Variants in DAB1 observed in about 807,000 individuals in gnomAD.
The protein encoded by DAB1 is disabled homolog 1.
Under a neutral mutation model 64.6 loss-of-function variants are expected in DAB1, and 15 were observed. That is an observed-to-expected ratio of 0.23 (90% CI 0.16 to 0.36). DAB1 has a LOEUF of 0.36. Ranked by LOEUF, DAB1 falls within the 10% of genes least tolerant of loss-of-function variation. The pLI, the probability that DAB1 is intolerant of heterozygous loss-of-function variation, is 1.00. For missense variants in DAB1, 596 were observed against 706.7 expected (o/e 0.84, Z 1.78); for synonymous variants, 235 against 251.9 (o/e 0.93, Z 0.64).
intron 2 of DAB1, among the ~76,000 whole-genome samples, chr1:57,208,687 G>A (rs1002391507): frequency 2.0e-5 from 3 of 152,312 alleles, no homozygotes; most frequent in African/African-American, 7.2e-5. Context: ...TTTAGGGCCA[G>A]GTACTGTGGC....
At chr1:58,442,966 A>G (rs1362946752) in intron 3 of DAB1, among the ~76,000 whole-genome samples, 18 of 152,228 alleles carry the variant, frequency 1.2e-4, no homozygotes, top group Admixed American at 2.6e-4. Context: ...TAAGGCAGCC[A>G]ACAGAAAGCT....
rs74077736 is a variant in DAB1 at position 57,636,327 on chromosome 1, T to A, written n.625+13265A>T. Among the ~76,000 whole-genome samples, 1,039 of 152,202 alleles carry A rather than the reference T, an allele frequency of 6.8e-3. 16 individuals are homozygous for A. The highest frequency in any genetic ancestry group is 0.024 in the African/African-American group (979 of 41,528). ...TTCCAGAATTGTGAGAAAATAAATGTCTGTTGTTTAAGCCTCCCAGTCTGT... is the reference window on the plus strand; with the variant it reads ...TTCCAGAATTGTGAGAAAATAAATGACTGTTGTTTAAGCCTCCCAGTCTGT... On this transcript the variant is annotated intron_variant and non_coding_transcript_variant, in intron 7 of 20. Transcript: ENST00000485760.
At chr1:57,850,258 C>T (rs953348341) in intron 1 of DAB1, among the ~76,000 whole-genome samples, 8 of 152,166 alleles carry the variant, frequency 5.3e-5, no homozygotes, top group Non-Finnish European at 1.0e-4. Context: ...TAGGACCTCA[C>T]ACAAACATAA....
chr1:57,145,240 CT>C, intron 3 of DAB1, 49 bp downstream of exon 3: 2 of 1,572,746 alleles, frequency 1.3e-6, no homozygotes, highest in Non-Finnish European at 1.7e-6. Context: ...ACTTCTTTTC[CT>C]CATTCACATT....
At chr1:57,596,073 A>G (rs1645505583) in intron 7 of DAB1, among the ~76,000 whole-genome samples, 1 of 152,010 alleles carries the variant, frequency 6.6e-6, no homozygotes, top group Non-Finnish European at 1.5e-5. Flanking sequence ...CTCCACTTTC[A>G]CTGTCCTTTA....
chr1:58,320,510 G>A (rs148153198), intron 4 of DAB1, among the ~76,000 whole-genome samples: 1 of 152,340 alleles, frequency 6.6e-6, no homozygotes, highest in African/African-American at 2.4e-5. Flanking sequence ...CAAGTTCACA[G>A]CATGGTTTAA....
intron 7 of DAB1, among the ~76,000 whole-genome samples, chr1:57,483,887 A>G (rs965297585): frequency 3.3e-5 from 5 of 152,184 alleles, no homozygotes; most frequent in Non-Finnish European, 5.9e-5. Context: ...ACAGATCATC[A>G]TATCCCTGCC....
intron 4 of DAB1, among the ~76,000 whole-genome samples, chr1:58,219,896 T>C (rs1016133444): frequency 6.6e-6 from 1 of 152,376 alleles, no homozygotes; most frequent in East Asian, 1.9e-4. Flanking sequence ...CCAGTGTCTA[T>C]CTGTGCTTAC....
chr1:57,952,111 A>G (rs1234918589), intron 5 of DAB1, among the ~76,000 whole-genome samples: 1 of 151,914 alleles, frequency 6.6e-6, no homozygotes, highest in African/African-American at 2.4e-5. Context: ...TGCTACTTCT[A>G]TGACCTTTTT....
At chr1:57,775,275 T>C (rs987683712) in intron 6 of DAB1, among the ~76,000 whole-genome samples, 7 of 151,558 alleles carry the variant, frequency 4.6e-5, no homozygotes, top group South Asian at 2.1e-4. Flanking sequence ...TGATTTCTGC[T>C]CTTCTCTTTA....
At chr1:58,128,272 G>A (rs1653273289) in intron 5 of DAB1, among the ~76,000 whole-genome samples, 1 of 151,018 alleles carries the variant, frequency 6.6e-6, no homozygotes, top group Non-Finnish European at 1.5e-5. Context: ...TCTGTTGTTG[G>A]TGTATAAGAA....
intron 5 of DAB1, among the ~76,000 whole-genome samples, chr1:57,920,780 A>T (rs1021920744): frequency 2.6e-5 from 4 of 152,238 alleles, no homozygotes; most frequent in Admixed American, 2.0e-4. Context: ...ATAAGGCATC[A>T]TTAGTATCAC....
At chr1:57,119,048 G>A (rs534080) in intron 4 of DAB1, among the ~76,000 whole-genome samples, 97,937 of 151,984 alleles carry the variant, frequency 0.64, 32,074 homozygotes, top group Middle Eastern at 0.77. Context: ...TAAGCCTATC[G>A]CAGCTTTGAA....
intron 4 of DAB1, among the ~76,000 whole-genome samples, chr1:58,300,042 A>G (rs1440088601): frequency 6.6e-6 from 1 of 152,188 alleles, no homozygotes; most frequent in Non-Finnish European, 1.5e-5. Flanking sequence ...AGAAAGGGTC[A>G]CGTTTAGAAA....
At chr1:57,445,876 T>A (rs1026478385) in intron 7 of DAB1, among the ~76,000 whole-genome samples, 9 of 152,222 alleles carry the variant, frequency 5.9e-5, no homozygotes, top group Non-Finnish European at 1.3e-4. Context: ...GATTCTGGTA[T>A]AGGTTTAATG....
chr1:58,209,899 T>C (rs1045216153), intron 4 of DAB1, among the ~76,000 whole-genome samples: 1 of 152,090 alleles, frequency 6.6e-6, no homozygotes, highest in Admixed American at 6.6e-5. Flanking sequence ...TGCAGGTGAA[T>C]GTAAGGTGTG....
intron 3 of DAB1, among the ~76,000 whole-genome samples, chr1:58,382,983 G>A (rs1436166150): frequency 6.6e-6 from 1 of 152,176 alleles, no homozygotes; most frequent in Non-Finnish European, 1.5e-5. Flanking sequence ...TCTGTTGTAA[G>A]ACTTTGTGCT....
intron 3 of DAB1, among the ~76,000 whole-genome samples, chr1:58,488,049 A>G (rs1645606801): frequency 6.6e-6 from 1 of 152,170 alleles, no homozygotes; most frequent in African/African-American, 2.4e-5. Context: ...TATTTGAGAC[A>G]TTTATAGTTC....
chr1:57,198,649 TCACA>T lies in DAB1; in HGVS notation c.68-53224_68-53221del, dbSNP rs57872654. 2.9e-3 allele frequency among the ~76,000 whole-genome samples: 375 copies of T among 128,328 alleles called. 3 individuals are homozygous for T. Among genetic ancestry groups the T allele is most frequent in the African/African-American group, 6.5e-3 (219 of 33,668 alleles). The allele number at this position is 128,328 out of a possible 152,430, so 84.2% of individuals were successfully genotyped here. ...CCTCCCTCCCTGCATCTTCTCTCTCTCACACACACACACACACACACACACACAC... is the reference window on the plus strand; with the variant it reads ...CCTCCCTCCCTGCATCTTCTCTCTCTCACACACACACACACACACACACAC... On this transcript the variant is annotated intron_variant, in intron 2 of 14. Coordinates refer to ENST00000371236, the MANE Select transcript of DAB1 (RefSeq NM_001365792.1).
Sources: allele counts gnomAD v4.1 joint callset (sites outside exome capture counted in the v4.1 genomes callset), GRCh38; gene constraint gnomAD v4.1.1; transcripts MANE v1.5; gene names NCBI Gene and HGNC (gene_info 2026-07-23, HGNC 2026-07-21).